PRR5L: variants seen among roughly 807,000 people sequenced by gnomAD.
PRR5L encodes proline-rich protein 5-like.
Under a neutral mutation model 36.4 loss-of-function variants are expected in PRR5L, and 21 were observed. The observed-to-expected ratio is 0.58, with a 90% CI of 0.41 to 0.83. The LOEUF (loss-of-function observed/expected upper bound fraction) is 0.83. Ranked by LOEUF, PRR5L falls within the 40% of genes least tolerant of loss-of-function variation. PRR5L has a pLI of 0.00. For missense variants in PRR5L, 381 were observed against 473.3 expected (o/e 0.80, Z 1.81); for synonymous variants, 188 against 197.0 (o/e 0.95, Z 0.38).
At chr11:36,400,016 T>C (rs1380245358) in intron 1 of PRR5L, among the ~76,000 whole-genome samples, 1 of 152,164 alleles carries the variant, frequency 6.6e-6, no homozygotes, top group Non-Finnish European at 1.5e-5. Context: ...AAGTTAAGAC[T>C]CAAACCTGAA....
intron 8 of PRR5L, chr11:36,454,014 C>T (rs552024700): frequency 6.5e-6 from 1 of 152,708 alleles, no homozygotes; most frequent in African/African-American, 2.4e-5. Context: ...ACACAGACCT[C>T]GTCCTGGGTA....
At chr11:36,380,509 T>C (rs1270580073) in intron 1 of PRR5L, 3 of 152,232 alleles carry the variant, frequency 2.0e-5, no homozygotes, top group Admixed American at 6.5e-5. Flanking sequence ...TCTTTTTTTA[T>C]GCTTTGCCAG....
At chr11:36,374,107 T>TGCCTGC (rs1554989613) in intron 1 of PRR5L, among the ~76,000 whole-genome samples, 2 of 90,506 alleles carry the variant, frequency 2.2e-5, no homozygotes, top group Non-Finnish European at 4.9e-5. Context: ...CCTTCCTTCC[T>TGCCTGC]CTCTCTCTCT....
chr11:36,457,790 G>A (rs1489746009), intron 8 of PRR5L, among the ~76,000 whole-genome samples: 1 of 152,082 alleles, frequency 6.6e-6, no homozygotes, highest in Non-Finnish European at 1.5e-5. Flanking sequence ...AACAGGTCTC[G>A]TCCTGTCTCC....
chr11:36,435,165 T>A (rs981187301), intron 5 of PRR5L, among the ~76,000 whole-genome samples: 1 of 152,072 alleles, frequency 6.6e-6, no homozygotes, highest in African/African-American at 2.4e-5. Context: ...CCAGGGTGAC[T>A]CAGATTGTGA....
In PRR5L at chr11:36,464,986, A is replaced by G. The variant is rs1167090498; in HGVS notation, c.*2250A>G. 6.6e-6 allele frequency: 1 copy of G among 152,172 alleles called. No individual in the cohort carries two copies. The highest frequency in any genetic ancestry group is 1.9e-4 in the East Asian group (1 of 5,190). The allele number at this position is 152,172 out of a possible 1,614,324, so 9.4% of individuals were successfully genotyped here. ...CCTATAAAAAATTTTATTGATGTTT[A>G]TGGTCATGTTAGCTATCAGAGAGCT... On this transcript the variant is annotated 3_prime_UTR_variant, in exon 9 of 9. Coordinates refer to ENST00000530639, the MANE Select transcript of PRR5L (RefSeq NM_001160167.2).
At chr11:36,332,868 C>T (rs1856733244) in intron 1 of PRR5L, among the ~76,000 whole-genome samples, 2 of 152,194 alleles carry the variant, frequency 1.3e-5, no homozygotes, top group African/African-American at 4.8e-5. Flanking sequence ...CACTATACTT[C>T]TTGTACAGCT....
chr11:36,415,439 T>C (rs1341272093), intron 3 of PRR5L, among the ~76,000 whole-genome samples: 3 of 152,226 alleles, frequency 2.0e-5, no homozygotes, highest in African/African-American at 7.2e-5. Context: ...TCTTTACATA[T>C]GATTTTTAAA....
At chr11:36,368,708 G>C (rs1369284647) in intron 1 of PRR5L, among the ~76,000 whole-genome samples, 3 of 152,168 alleles carry the variant, frequency 2.0e-5, no homozygotes, top group African/African-American at 7.2e-5. Context: ...CTTCTATTAA[G>C]CCAGGCATTA....
At position 36,464,794 on chromosome 11, in the gene PRR5L, T is replaced by C. The variant is rs991283080; in HGVS notation, c.*2058T>C. On this transcript the variant is annotated 3_prime_UTR_variant, in exon 9 of 9. Transcript: ENST00000530639. ...ATAAATGCCTTTTCCATATCTTAAA[T>C]GTCCCTGATGAGGAGAGCAGTCATC... 1.3e-5 allele frequency: 2 copies of C among 152,224 alleles called. No individual in the cohort carries two copies. The highest frequency in any genetic ancestry group is 2.4e-5 in the African/African-American group (1 of 41,464). 9.4% of individuals were successfully genotyped at this position (152,224 alleles called of 1,614,324 possible). A position where few individuals can be genotyped will look rare whatever the true frequency, so the allele number is the denominator to read the frequency against.
rs1362680211 is a variant in PRR5L, at chr11:36,351,683, T to TTATA, written c.-125-49310_-125-49307dup. Among the ~76,000 whole-genome samples the TTATA allele has an allele frequency of 5.3e-3, 15 of 2,848 alleles. 6 individuals carry two copies. The highest frequency in any genetic ancestry group is 0.015 in the African/African-American group (8 of 524). 1.9% of individuals were successfully genotyped at this position (2,848 alleles called of 152,430 possible). ...AATATATATTTATATACTTATATAT[T>TTATA]TATATATTTATATATTTATATATTT... On this transcript the variant is annotated intron_variant, in intron 1 of 8. Transcript: ENST00000530639.
intron 1 of PRR5L, among the ~76,000 whole-genome samples, chr11:36,400,693 C>A (rs1444559061): frequency 6.6e-6 from 1 of 152,202 alleles, no homozygotes; most frequent in Non-Finnish European, 1.5e-5. Context: ...GGAACCCAGG[C>A]AGTGCTCAAA....
chr11:36,444,878 A>G (rs1344217659), intron 6 of PRR5L, among the ~76,000 whole-genome samples: 1 of 152,168 alleles, frequency 6.6e-6, no homozygotes, highest in Non-Finnish European at 1.5e-5. Context: ...TGGCCAGAAT[A>G]ATGCTGCCTA....
At chr11:36,403,490 TC>T (rs1857844976) in intron 3 of PRR5L, 112 bp downstream of exon 3, 4 of 693,220 alleles carry the variant, frequency 5.8e-6, no homozygotes, top group African/African-American at 3.7e-5. Context: ...CCTGCTTGAT[TC>T]TTATTGCTTC....
chr11:36,452,786 A>C (rs1322291597), intron 8 of PRR5L, among the ~76,000 whole-genome samples: 1 of 152,228 alleles, frequency 6.6e-6, no homozygotes, highest in African/African-American at 2.4e-5. Context: ...GTGTAGAGGA[A>C]GAAAAACAGT....
chr11:36,435,016 C>G (rs1418513736), intron 5 of PRR5L, among the ~76,000 whole-genome samples: 1 of 152,102 alleles, frequency 6.6e-6, no homozygotes, highest in East Asian at 1.9e-4. Context: ...TCTTCTTCCC[C>G]TCCTTCAGGT....
At chr11:36,460,388 C>T (rs897632767) in intron 8 of PRR5L, among the ~76,000 whole-genome samples, 1 of 152,124 alleles carries the variant, frequency 6.6e-6, no homozygotes, top group African/African-American at 2.4e-5. Flanking sequence ...CCCCATCCTT[C>T]GCCCCTCCCC....
At chr11:36,458,059 A>G (rs992067287) in intron 8 of PRR5L, among the ~76,000 whole-genome samples, 1 of 152,374 alleles carries the variant, frequency 6.6e-6, no homozygotes, top group Middle Eastern at 3.4e-3. Flanking sequence ...CTTGGAGAGT[A>G]CGAGCATCCA....
chr11:36,363,004 G>T (rs190468606), intron 1 of PRR5L, among the ~76,000 whole-genome samples: 1 of 152,182 alleles, frequency 6.6e-6, no homozygotes, highest in Non-Finnish European at 1.5e-5. Context: ...GCCCAGAGAC[G>T]TTAAGTCGTG....
Sources: gnomAD v4.1 joint callset for allele counts (sites outside exome capture counted in the v4.1 genomes callset) on GRCh38, gnomAD v4.1.1 for gene constraint, MANE v1.5 for transcripts, NCBI Gene and HGNC (gene_info 2026-07-23, HGNC 2026-07-21) for gene names.